Variants in COL27A1 observed in about 807,000 individuals in gnomAD.
COL27A1 encodes the protein collagen alpha-1(XXVII) chain.
Under a neutral mutation model 251.3 loss-of-function variants are expected in COL27A1, and 106 were observed. The ratio of observed to expected loss-of-function variants is 0.42; its 90% CI spans 0.36 to 0.50. The LOEUF (loss-of-function observed/expected upper bound fraction) is 0.50, where lower values mean the gene tolerates loss of function less well. Among genes scored for constraint, COL27A1 ranks in the 20% least tolerant of loss-of-function variants. COL27A1 has a pLI of 0.00. For synonymous variants in COL27A1, 1,000 were observed against 986.3 expected (o/e 1.01, Z -0.26); for missense variants, 2,325 against 2,522.8 (o/e 0.92, Z 1.68).
chr9:114,266,634 C>T lies in COL27A1; in HGVS notation c.3447+16C>T, dbSNP rs1243686564. The T allele has an allele frequency of 6.2e-7, 1 of 1,610,564 alleles. No homozygotes were observed. Among genetic ancestry groups the T allele is most frequent in the Non-Finnish European group, 8.5e-7 (1 of 1,176,916 alleles). On this transcript the variant is annotated intron_variant, in intron 33 of 60. Transcript: ENST00000356083. The stretch of plus-strand genomic sequence containing the variant: ...GGGACCCAAGGTGAGTGTGAGAGAC[C>T]CTTATTCGTCCCATGATGCTGCTGG...
chr9:114,308,503 G>A (rs1018095049), intron 59 of COL27A1, among the ~76,000 whole-genome samples: 2 of 152,180 alleles, frequency 1.3e-5, no homozygotes, highest in Non-Finnish European at 2.9e-5. Flanking sequence ...GTCTTTGTTG[G>A]GTCCCTATCA....
chr9:114,275,801 C>A, intron 37 of COL27A1, 33 bp downstream of exon 37: 1 of 1,409,306 alleles, frequency 7.1e-7, no homozygotes, highest in Non-Finnish European at 9.7e-7. Flanking sequence ...GCGCCTGGAG[C>A]TCTGGGGTAC....
At chr9:114,309,074 T>C (rs1829261974) in intron 59 of COL27A1, among the ~76,000 whole-genome samples, 186 bp from the exon 60 acceptor site, 2 of 152,168 alleles carry the variant, frequency 1.3e-5, no homozygotes, top group Non-Finnish European at 2.9e-5. Context: ...GCCAAGAACC[T>C]GTAAGACCAG....
intron 5 of COL27A1, among the ~76,000 whole-genome samples, chr9:114,190,684 A>G (rs1354400466): frequency 6.6e-6 from 1 of 152,222 alleles, no homozygotes; most frequent in African/African-American, 2.4e-5. Context: ...GGTATTCACC[A>G]TAGTTCCCAT....
At chr9:114,176,788 G>C (rs1486155682) in intron 3 of COL27A1, among the ~76,000 whole-genome samples, 1 of 152,158 alleles carries the variant, frequency 6.6e-6, no homozygotes, top group Non-Finnish European at 1.5e-5. Context: ...CAGGGCTCTT[G>C]CCCAGTGACC....
intron 36 of COL27A1, 146 bp downstream of exon 36, chr9:114,270,927 G>A (rs1835095452): frequency 2.9e-6 from 2 of 692,978 alleles, no homozygotes; most frequent in African/African-American, 3.7e-5. Flanking sequence ...GCTTGGGGAA[G>A]GGTCAGCAGT....
At chr9:114,297,624 A>T (rs890378216) in intron 49 of COL27A1, among the ~76,000 whole-genome samples, 2 of 152,230 alleles carry the variant, frequency 1.3e-5, no homozygotes, top group South Asian at 4.1e-4. Flanking sequence ...ACGAAATCCA[A>T]CACCCTTTCG....
At chr9:114,161,094 A>C (rs1283023081) in intron 1 of COL27A1, among the ~76,000 whole-genome samples, 3 of 152,192 alleles carry the variant, frequency 2.0e-5, no homozygotes, top group Non-Finnish European at 2.9e-5. Context: ...TCAGCATCCC[A>C]ACAGTGTCTT....
intron 56 of COL27A1, among the ~76,000 whole-genome samples, chr9:114,302,739 A>C (rs898599588): frequency 3.4e-5 from 5 of 145,454 alleles, no homozygotes; most frequent in East Asian, 1.9e-4. Context: ...AAAAAAAAAA[A>C]AACAAAGAGA....
chr9:114,172,740 G>A (rs1194449247), intron 3 of COL27A1, among the ~76,000 whole-genome samples: 1 of 152,148 alleles, frequency 6.6e-6, no homozygotes, highest in African/African-American at 2.4e-5. Context: ...GTTGTGATGA[G>A]CCGAGATCAT....
chr9:114,155,013 T>C (rs913166698), upstream of COL27A1, among the ~76,000 whole-genome samples: 2 of 151,864 alleles, frequency 1.3e-5, no homozygotes, highest in African/African-American at 2.4e-5. This position sits in a 1 kb window ranked among gnomAD's most constrained non-coding sequence, Gnocchi z 5.5. Flanking sequence ...TAGATTCCAA[T>C]TGCTGACAGA....
At chr9:114,208,521 C>T (rs1484647009) in intron 10 of COL27A1, among the ~76,000 whole-genome samples, 1 of 151,934 alleles carries the variant, frequency 6.6e-6, no homozygotes, top group Non-Finnish European at 1.5e-5. Flanking sequence ...GGAATAAATG[C>T]TTTAATATAT....
intron 21 of COL27A1, 132 bp from the exon 22 acceptor site, chr9:114,242,055 G>A: frequency 1.4e-6 from 1 of 719,588 alleles, no homozygotes; most frequent in Non-Finnish European, 2.1e-6. Flanking sequence ...AGGTGGGCCA[G>A]GCGTGCTGTT....
chr9:114,286,968 G>A (rs1034119580), intron 41 of COL27A1, among the ~76,000 whole-genome samples: 2 of 152,278 alleles, frequency 1.3e-5, no homozygotes, highest in Admixed American at 6.5e-5. Context: ...CATGGAACAC[G>A]CTAGGTAGAC....
chr9:114,287,503 G>A (rs1564572515), intron 41 of COL27A1, among the ~76,000 whole-genome samples: 5 of 151,580 alleles, frequency 3.3e-5, no homozygotes, highest in Admixed American at 2.6e-4. Flanking sequence ...ACTCTGTTCC[G>A]CCCCCCCCAC....
chr9:114,167,501 T>C (rs1236376168), intron 2 of COL27A1, among the ~76,000 whole-genome samples, 188 bp from the exon 3 acceptor site: 2 of 152,244 alleles, frequency 1.3e-5, no homozygotes, highest in Non-Finnish European at 2.9e-5. Context: ...TCACAATCCC[T>C]GCCAGATAGT....
At chr9:114,228,328 G>A (rs1373105108) in intron 14 of COL27A1, among the ~76,000 whole-genome samples, 2 of 152,218 alleles carry the variant, frequency 1.3e-5, no homozygotes, top group African/African-American at 4.8e-5. Context: ...CCTGGCCCCC[G>A]GCAGAGAAAG....
chr9:114,300,021 A>G, intron 49 of COL27A1, 49 bp from the exon 50 acceptor site: 17 of 1,600,260 alleles, frequency 1.1e-5, no homozygotes, highest in Non-Finnish European at 1.2e-5. Flanking sequence ...CTGGCGGGAC[A>G]CGCTGACCAT....
intron 45 of COL27A1, among the ~76,000 whole-genome samples, chr9:114,289,746 G>A (rs952136960): frequency 2.6e-5 from 4 of 151,758 alleles, no homozygotes; most frequent in Admixed American, 6.6e-5. Context: ...CCCCGGGTGC[G>A]CCCCCCTCAC....
Sources: gnomAD v4.1 joint callset for allele counts (sites outside exome capture counted in the v4.1 genomes callset) on GRCh38, gnomAD v4.1.1 for gene constraint, Gnocchi (gnomAD v3.1) non-coding constraint, MANE v1.5 for transcripts, NCBI Gene and HGNC (gene_info 2026-07-23, HGNC 2026-07-21) for gene names.